The following PDZD2 variants were observed in gnomAD, a reference collection of about 807,000 sequenced individuals.
The protein encoded by PDZD2 is PDZ domain containing 2.
A neutral mutation model predicts 220.7 loss-of-function variants in PDZD2; 90 were observed. The observed-to-expected ratio is 0.41, with a 90% confidence interval of 0.34 to 0.49. The LOEUF is 0.49. Among genes scored for constraint, PDZD2 ranks in the 20% least tolerant of loss-of-function variants. The pLI is 0.28. For missense variants in PDZD2, 3,174 were observed against 3,608.5 expected (o/e 0.88, Z 3.08); for synonymous variants, 1,375 against 1,450.5 (o/e 0.95, Z 1.18).
At position 31,817,478 on chromosome 5, in the gene PDZD2, G is replaced by C. The variant is rs539824064; in HGVS notation, c.476+17754G>C. The stretch of plus-strand genomic sequence containing the variant: ...ACTGCACTCCAGCCTGGGCAACAGA[G>C]CAAGACTCCATCTCAGAAAAAAAAA... On this transcript the variant is annotated intron_variant, in intron 2 of 24. Coordinates refer to ENST00000438447, the MANE Select transcript of PDZD2 (RefSeq NM_178140.4). 6.1e-4 allele frequency among the ~76,000 whole-genome samples: 92 copies of C among 151,636 alleles called. 1 individual carries two copies. The South Asian group carries it at 0.018, about 30-fold the overall frequency.
At chr5:32,048,393 C>A in intron 7 of PDZD2, 146 bp from the exon 8 acceptor site, 1 of 652,602 alleles carries the variant, frequency 1.5e-6, no homozygotes. Flanking sequence ...TTAGGATGGG[C>A]TAGGCTCTGT....
intron 2 of PDZD2, among the ~76,000 whole-genome samples, chr5:31,883,429 C>T (rs1387367038): frequency 6.6e-6 from 1 of 151,666 alleles, no homozygotes; most frequent in African/African-American, 2.4e-5. Flanking sequence ...CCAAGTTGGC[C>T]AGGCTGGTCT....
At chr5:31,800,272 C>A (rs1754316004) in intron 2 of PDZD2, among the ~76,000 whole-genome samples, 1 of 152,226 alleles carries the variant, frequency 6.6e-6, no homozygotes, top group Non-Finnish European at 1.5e-5. Context: ...GTAAAAGACA[C>A]AGAGAGTAGA....
chr5:32,097,766 G>T (rs975899816), intron 22 of PDZD2, among the ~76,000 whole-genome samples: 9 of 152,004 alleles, frequency 5.9e-5, no homozygotes, highest in Non-Finnish European at 1.2e-4. Flanking sequence ...CATCCAGAGG[G>T]TCACCTTCAC....
intron 2 of PDZD2, among the ~76,000 whole-genome samples, chr5:31,911,488 G>A (rs1029980634): frequency 2.0e-5 from 3 of 152,324 alleles, no homozygotes; most frequent in South Asian, 2.1e-4. Flanking sequence ...CTTGGAGCAC[G>A]TGGCCACTGC....
chr5:31,740,454 G>C (rs1238696195), intron 1 of PDZD2, among the ~76,000 whole-genome samples: 1 of 145,834 alleles, frequency 6.9e-6, no homozygotes, highest in Non-Finnish European at 1.5e-5. Context: ...GAACCCGGGA[G>C]GCGGAGCTTG....
At chr5:31,885,174 GAAA>G (rs1740342640) in intron 2 of PDZD2, among the ~76,000 whole-genome samples, 1 of 131,572 alleles carries the variant, frequency 7.6e-6, no homozygotes, top group South Asian at 2.5e-4. Context: ...AAAAAAAAAA[GAAA>G]AAGAAAAAAA....
chr5:31,825,336 T>C (rs1194181296), intron 2 of PDZD2, among the ~76,000 whole-genome samples: 1 of 152,114 alleles, frequency 6.6e-6, no homozygotes, highest in Non-Finnish European at 1.5e-5. Flanking sequence ...AGAGTGGACA[T>C]GCAGAAAAGG....
chr5:31,789,807 G>T (rs1249174078), intron 1 of PDZD2, among the ~76,000 whole-genome samples: 1 of 152,016 alleles, frequency 6.6e-6, no homozygotes, highest in South Asian at 2.1e-4. Flanking sequence ...AATCCCAGCT[G>T]CTTGGGAGGC....
intron 1 of PDZD2, among the ~76,000 whole-genome samples, chr5:31,791,863 C>T (rs1057431858): frequency 6.6e-6 from 1 of 152,168 alleles, no homozygotes; most frequent in African/African-American, 2.4e-5. Context: ...TCAGTTCCCC[C>T]AACTTCCAGG....
At chr5:32,075,669 G>A (rs1447223887) in intron 18 of PDZD2, among the ~76,000 whole-genome samples, 2 of 152,144 alleles carry the variant, frequency 1.3e-5, no homozygotes, top group Non-Finnish European at 2.9e-5. Flanking sequence ...CAAGGAGACA[G>A]TACGAGAAAT....
At chr5:31,687,779 C>T (rs776213010) in intron 1 of PDZD2, among the ~76,000 whole-genome samples, 2 of 152,200 alleles carry the variant, frequency 1.3e-5, no homozygotes, top group Non-Finnish European at 2.9e-5. Flanking sequence ...TGTGTCCTCA[C>T]GTGGCAGAGA....
intron 1 of PDZD2, among the ~76,000 whole-genome samples, chr5:31,781,583 A>C (rs78268380): frequency 0.024 from 3,692 of 152,306 alleles, 138 homozygotes; most frequent in African/African-American, 0.083. Context: ...AATTCATTCA[A>C]ATAAAGTCTT....
In PDZD2 at chr5:32,000,114, C is replaced by A. The variant is rs1484224601; in HGVS notation, c.1122-25C>A. 2.5e-6 allele frequency: 4 copies of A among 1,611,978 alleles called. No individual in the cohort carries two copies. Among genetic ancestry groups the A allele is most frequent in the Non-Finnish European group, 3.4e-6 (4 of 1,178,434 alleles). On this transcript the variant is annotated intron_variant, in intron 4 of 24. Coordinates refer to ENST00000438447, the MANE Select transcript of PDZD2 (RefSeq NM_178140.4). The surrounding 1 kb of genome is among the most constrained non-coding windows in gnomAD (Gnocchi z 4.5). Reference sequence around the variant, plus strand: ...GGCCCAGAATGTCTTGACAAGGGATCTTTTTCCCATCTCCCTTTCCTCAGG... The same window carrying A: ...GGCCCAGAATGTCTTGACAAGGGATATTTTTCCCATCTCCCTTTCCTCAGG...
At chr5:32,046,019 T>C (rs1020640326) in intron 7 of PDZD2, among the ~76,000 whole-genome samples, 3 of 152,178 alleles carry the variant, frequency 2.0e-5, no homozygotes, top group African/African-American at 7.2e-5. Flanking sequence ...GGTGATGAAC[T>C]TGATATATGA....
At chr5:31,778,723 A>C (rs1752871528) in intron 1 of PDZD2, among the ~76,000 whole-genome samples, 1 of 152,156 alleles carries the variant, frequency 6.6e-6, no homozygotes, top group South Asian at 2.1e-4. Flanking sequence ...AGTCAGTGAG[A>C]CCAAGAACCC....
rs368839904 is a variant in PDZD2, at chr5:31,995,527, C to T, written c.979-49C>T. On this transcript the variant is annotated intron_variant, in intron 3 of 24. Coordinates refer to ENST00000438447, the MANE Select transcript of PDZD2 (RefSeq NM_178140.4). Reference sequence around the variant, plus strand: ...ACAGCTCCGTTCTCCTGTGTCAATGCCGTGTGTCTGTCAACCTCCTTCATG... The same window carrying T: ...ACAGCTCCGTTCTCCTGTGTCAATGTCGTGTGTCTGTCAACCTCCTTCATG... The T allele has an allele frequency of 5.0e-6, 8 of 1,608,580 alleles. No homozygotes were observed. The African/African-American group carries it at 5.3e-5, about 11-fold the overall frequency.
At position 32,004,668 on chromosome 5, in the gene PDZD2, T is replaced by C. The variant is rs1194687585; in HGVS notation, c.1254+4397T>C. 3.9e-5 allele frequency among the ~76,000 whole-genome samples: 6 copies of C among 152,256 alleles called. No homozygotes were observed. The East Asian group carries it at 1.2e-3, about 29-fold the overall frequency. Reference sequence around the variant, plus strand: ...CACAGCAGTAGAAACCAGAATCAGGTTTTAGCCTGAGTCCACCAGACTTCA... The same window carrying C: ...CACAGCAGTAGAAACCAGAATCAGGCTTTAGCCTGAGTCCACCAGACTTCA... On this transcript the variant is annotated intron_variant, in intron 5 of 24. Coordinates refer to ENST00000438447, the MANE Select transcript of PDZD2 (RefSeq NM_178140.4).
intron 14 of PDZD2, among the ~76,000 whole-genome samples, chr5:32,066,338 C>CT (rs1333206420): frequency 2.4e-4 from 37 of 152,288 alleles, no homozygotes; most frequent in Admixed American, 6.5e-5. Flanking sequence ...GAGCGAGACT[C>CT]TATCTCAAGT....
Sources: allele counts gnomAD v4.1 joint callset (sites outside exome capture counted in the v4.1 genomes callset), GRCh38; gene constraint gnomAD v4.1.1; non-coding constraint Gnocchi (gnomAD v3.1); transcripts MANE v1.5; gene names NCBI Gene and HGNC (gene_info 2026-07-23, HGNC 2026-07-21).